Variants in AVEN observed in about 807,000 individuals in gnomAD.
The protein encoded by AVEN is cell death regulator Aven.
A neutral mutation model predicts 38.1 loss-of-function variants in AVEN; 41 were observed. The observed-to-expected ratio is 1.08, with a 90% confidence interval of 0.84 to 1.40. The LOEUF (loss-of-function observed/expected upper bound fraction) is 1.40. Ranked by LOEUF, AVEN falls within the 40% of genes most tolerant of loss-of-function variation. AVEN has a pLI of 0.00. For synonymous variants in AVEN, 206 were observed against 171.8 expected (o/e 1.20, Z -1.56); for missense variants, 605 against 438.8 (o/e 1.38, Z -3.38).
At chr15:34,007,376 C>T (rs765689186) in intron 1 of AVEN, among the ~76,000 whole-genome samples, 1 of 152,156 alleles carries the variant, frequency 6.6e-6, no homozygotes, top group Non-Finnish European at 1.5e-5. Flanking sequence ...GAAGAGCCGA[C>T]GGCCCCTTAC....
At chr15:33,935,504 A>ATGTG (rs1555508298) in intron 2 of AVEN, among the ~76,000 whole-genome samples, 3 of 152,076 alleles carry the variant, frequency 2.0e-5, no homozygotes, top group Non-Finnish European at 4.4e-5. Context: ...ATATGTATAT[A>ATGTG]TGTGTGTGAG....
chr15:33,986,104 GTTTT>G (rs869180796), intron 2 of AVEN, among the ~76,000 whole-genome samples: 1 of 151,402 alleles, frequency 6.6e-6, no homozygotes, highest in African/African-American at 2.4e-5. Context: ...TTTTTTTTTT[GTTTT>G]TTGTTTTTTG....
chr15:34,003,239 A>C (rs770110975), intron 1 of AVEN, 30 bp from the exon 2 acceptor site: 8 of 1,607,526 alleles, frequency 5.0e-6, no homozygotes, highest in Non-Finnish European at 6.8e-6. Context: ...ATCAATAAGT[A>C]AGCAGTGGAA....
intron 2 of AVEN, among the ~76,000 whole-genome samples, chr15:33,898,652 C>G (rs1219718522): frequency 6.6e-6 from 1 of 152,194 alleles, no homozygotes; most frequent in Non-Finnish European, 1.5e-5. Flanking sequence ...GTGACCTCAT[C>G]TTCACTTGAT....
chr15:33,852,636 T>C, the AVEN span: 1 of 166,426 alleles, frequency 6.0e-6, no homozygotes, highest in Non-Finnish European at 1.3e-5. Context: ...CGCATCGCCA[T>C]TATCTACCCC....
chr15:33,894,819 AAAATAATAAC>A (rs1436642621), intron 2 of AVEN, among the ~76,000 whole-genome samples: 1 of 15,812 alleles, frequency 6.3e-5, no homozygotes, highest in East Asian at 5.7e-3. Context: ...CAAAAAAAAA[AAAATAATAAC>A]AATAATAATA....
chr15:33,894,044 G>A (rs1892102508), intron 2 of AVEN, among the ~76,000 whole-genome samples: 1 of 150,264 alleles, frequency 6.7e-6, no homozygotes, highest in South Asian at 2.1e-4. Context: ...CCACCTCCTG[G>A]GCTCAAGTGA....
chr15:34,074,881 T>C (rs924381155), exon 1 of AVEN, among the ~76,000 whole-genome samples: 8 of 152,034 alleles, frequency 5.3e-5, no homozygotes, highest in African/African-American at 7.2e-5. Flanking sequence ...ATGGGTAGTA[T>C]TGAATGGAAA....
At position 34,003,233 on chromosome 15, in the gene AVEN, A is replaced by G. The variant is rs781277799; in HGVS notation, c.268-24T>C. ...ACCTGCAATCATTAGAGACAAATCA[A>G]TAAGTAAGCAGTGGAAATCCTGACC... On this transcript the variant is annotated intron_variant, in intron 1 of 5. Transcript: ENST00000306730. The G allele has an allele frequency of 4.3e-5, 69 of 1,609,916 alleles. No homozygotes were observed. In the Admixed American group the frequency reaches 7.4e-4, roughly 17 times the overall value.
the AVEN span, chr15:33,852,053 G>C: frequency 7.8e-6 from 1 of 128,596 alleles, no homozygotes; most frequent in East Asian, 2.4e-4. Flanking sequence ...CCTGTTGGGG[G>C]AGAGGCGGCA....
At chr15:34,038,490 T>C (rs976866832) in intron 1 of AVEN, among the ~76,000 whole-genome samples, 2 of 152,014 alleles carry the variant, frequency 1.3e-5, no homozygotes, top group Non-Finnish European at 1.5e-5. Flanking sequence ...ACACACGGCC[T>C]TGGCCTCTGG....
intron 5 of AVEN, 52 bp from the exon 6 acceptor site, chr15:33,866,780 G>C (rs117703372): frequency 0.037 from 48,961 of 1,328,920 alleles, 1,276 homozygotes; most frequent in Non-Finnish European, 0.039. Context: ...TAAAATTGAA[G>C]GTATAATTCA....
chr15:34,057,117 A>G (rs1900183125), intron 5 of AVEN, among the ~76,000 whole-genome samples: 1 of 146,688 alleles, frequency 6.8e-6, no homozygotes, highest in Non-Finnish European at 1.5e-5. Context: ...CATTCCTACC[A>G]GGAGAAGAGT....
chr15:34,021,869 A>T (rs751937964), intron 1 of AVEN, among the ~76,000 whole-genome samples: 1 of 152,086 alleles, frequency 6.6e-6, no homozygotes, highest in Non-Finnish European at 1.5e-5. Flanking sequence ...AATAAAAATA[A>T]AATAAAATAA....
chr15:33,995,129 T>G lies in AVEN; in HGVS notation c.445+7903A>C, dbSNP rs574909707. 1.7e-4 allele frequency among the ~76,000 whole-genome samples: 26 copies of G among 152,092 alleles called. No homozygotes were observed. In the East Asian group the frequency reaches 4.6e-3, roughly 27 times the overall value. Reference sequence around the variant, plus strand: ...AATGAAGAAATCAGCCAGGTGTGGGTGGCACACCTCTATAGTCCCACCTAC... The same window carrying G: ...AATGAAGAAATCAGCCAGGTGTGGGGGGCACACCTCTATAGTCCCACCTAC... On this transcript the variant is annotated intron_variant, in intron 2 of 5. Coordinates refer to ENST00000306730, the MANE Select transcript of AVEN (RefSeq NM_020371.3).
At chr15:33,957,125 C>T (rs990910775) in intron 2 of AVEN, among the ~76,000 whole-genome samples, 5 of 152,206 alleles carry the variant, frequency 3.3e-5, no homozygotes, top group South Asian at 2.1e-4. Flanking sequence ...CTGGGAGCCA[C>T]GTGCCCTTCT....
chr15:34,008,475 T>C (rs1223797334), intron 1 of AVEN, among the ~76,000 whole-genome samples: 1 of 146,446 alleles, frequency 6.8e-6, no homozygotes, highest in Non-Finnish European at 1.5e-5. Flanking sequence ...CCAAAGTTGA[T>C]GAAAAACCTT....
intron 1 of AVEN, among the ~76,000 whole-genome samples, chr15:34,008,483 C>CTTTTTT (rs200355232): frequency 8.4e-6 from 1 of 119,232 alleles, no homozygotes; most frequent in African/African-American, 4.4e-5. Flanking sequence ...GATGAAAAAC[C>CTTTTTT]TTTTTTTTTT....
At chr15:33,894,656 A>C (rs535215626) in intron 2 of AVEN, among the ~76,000 whole-genome samples, 1 of 139,682 alleles carries the variant, frequency 7.2e-6, no homozygotes, top group East Asian at 2.1e-4. Context: ...CAGAAATACA[A>C]AAAATTAGGT....
Sources: gnomAD v4.1 joint callset for allele counts (sites outside exome capture counted in the v4.1 genomes callset) on GRCh38, gnomAD v4.1.1 for gene constraint, MANE v1.5 for transcripts, NCBI Gene and HGNC (gene_info 2026-07-23, HGNC 2026-07-21) for gene names.